Variants in AUTS2 observed in about 807,000 individuals in gnomAD.
The protein encoded by AUTS2 is autism susceptibility gene 2 protein.
AUTS2 carries 17 observed loss-of-function variants against 112.4 expected under a neutral mutation model. That is an observed-to-expected ratio of 0.15 (90% CI 0.10 to 0.23). AUTS2 has a LOEUF of 0.23. Among genes scored for constraint, AUTS2 ranks in the 10% least tolerant of loss-of-function variants. The pLI, the probability that AUTS2 is intolerant of heterozygous loss-of-function variation, is 1.00. For synonymous variants in AUTS2, 751 were observed against 702.7 expected (o/e 1.07, Z -1.09); for missense variants, 1,510 against 1,701.6 (o/e 0.89, Z 1.98).
At chr7:70,525,108 A>G (rs979100454) in intron 5 of AUTS2, among the ~76,000 whole-genome samples, 2 of 152,146 alleles carry the variant, frequency 1.3e-5, no homozygotes, top group Admixed American at 1.3e-4. Context: ...AATTCCTTCT[A>G]TAGCTTTCCT....
At chr7:70,512,804 T>G (rs910765227) in intron 5 of AUTS2, among the ~76,000 whole-genome samples, 22 of 151,910 alleles carry the variant, frequency 1.4e-4, no homozygotes, top group Admixed American at 9.8e-4. Context: ...TTTTTAACTT[T>G]TTCCTCTTGT....
chr7:70,658,552 T>TG (rs1340602454), intron 5 of AUTS2, among the ~76,000 whole-genome samples: 1 of 152,196 alleles, frequency 6.6e-6, no homozygotes, highest in East Asian at 1.9e-4. Flanking sequence ...CACAGGCTTC[T>TG]GGGGGGCTTC....
At chr7:70,398,274 T>C (rs1794173845) in intron 4 of AUTS2, among the ~76,000 whole-genome samples, 1 of 152,252 alleles carries the variant, frequency 6.6e-6, no homozygotes, top group African/African-American at 2.4e-5. Flanking sequence ...ATTGTAGGTT[T>C]ATATATTTCC....
chr7:69,879,407 C>T (rs1331110000), intron 1 of AUTS2, among the ~76,000 whole-genome samples: 1 of 151,858 alleles, frequency 6.6e-6, no homozygotes, highest in Non-Finnish European at 1.5e-5. Context: ...ACCTCAGCCT[C>T]CCAAAGTGGT....
At chr7:70,051,700 C>T (rs976908064) in intron 2 of AUTS2, among the ~76,000 whole-genome samples, 35 of 152,070 alleles carry the variant, frequency 2.3e-4, no homozygotes, top group African/African-American at 8.0e-4. Context: ...TCCTGGGCAA[C>T]AAGAACAAAA....
At chr7:70,321,677 G>A (rs1790260759) in intron 4 of AUTS2, among the ~76,000 whole-genome samples, 2 of 152,038 alleles carry the variant, frequency 1.3e-5, no homozygotes, top group South Asian at 4.2e-4. Flanking sequence ...TTATAGATGG[G>A]GGAAAAATGT....
chr7:69,860,075 TTC>T (rs1261570835), intron 1 of AUTS2, among the ~76,000 whole-genome samples: 1 of 152,130 alleles, frequency 6.6e-6, no homozygotes, highest in Non-Finnish European at 1.5e-5. Flanking sequence ...TTGTTTTATT[TTC>T]TGTCTCTGAT....
intron 2 of AUTS2, among the ~76,000 whole-genome samples, chr7:70,089,150 A>G (rs1457198045): frequency 6.6e-6 from 1 of 152,174 alleles, no homozygotes; most frequent in South Asian, 2.1e-4. Context: ...TCGATTGTCT[A>G]TTTATTTGTT....
intron 5 of AUTS2, among the ~76,000 whole-genome samples, chr7:70,544,212 G>A (rs1800675783): frequency 6.6e-6 from 1 of 152,180 alleles, no homozygotes; most frequent in Admixed American, 6.5e-5. Flanking sequence ...CTTTCTTCCG[G>A]GTGCCAGGAG....
At chr7:69,636,291 A>G (rs1794514668) in intron 1 of AUTS2, among the ~76,000 whole-genome samples, 1 of 151,554 alleles carries the variant, frequency 6.6e-6, no homozygotes, top group Non-Finnish European at 1.5e-5. Context: ...AGTGCAGTAG[A>G]GCAATCTCGG....
intron 2 of AUTS2, among the ~76,000 whole-genome samples, chr7:70,077,641 A>G (rs1803098156): frequency 6.6e-6 from 1 of 152,214 alleles, no homozygotes; most frequent in Non-Finnish European, 1.5e-5. Context: ...ACCAGAAATT[A>G]TACCTGGGGA....
chr7:69,770,224 G>A (rs1213106753), intron 1 of AUTS2, among the ~76,000 whole-genome samples: 1 of 152,198 alleles, frequency 6.6e-6, no homozygotes, highest in East Asian at 1.9e-4. Context: ...TTCATTTCAG[G>A]TGATTTTGTT....
intron 1 of AUTS2, among the ~76,000 whole-genome samples, chr7:69,722,938 G>A (rs973514905): frequency 6.6e-6 from 1 of 151,820 alleles, no homozygotes; most frequent in Non-Finnish European, 1.5e-5. Flanking sequence ...TCCAGGAGAT[G>A]GCCTGCAGTT....
At chr7:69,789,381 A>C (rs935163395) in intron 1 of AUTS2, among the ~76,000 whole-genome samples, 1 of 152,242 alleles carries the variant, frequency 6.6e-6, no homozygotes, top group Non-Finnish European at 1.5e-5. Context: ...AGTGTGAATC[A>C]GTGCGTTAGA....
At chr7:70,090,685 C>CTT (rs1279080115) in intron 2 of AUTS2, among the ~76,000 whole-genome samples, 8 of 129,042 alleles carry the variant, frequency 6.2e-5, no homozygotes, top group East Asian at 2.3e-4. Flanking sequence ...AGATTTCTGT[C>CTT]TTTTTTTTTT....
intron 1 of AUTS2, among the ~76,000 whole-genome samples, chr7:69,853,407 A>G (rs926314122): frequency 8.6e-5 from 13 of 151,970 alleles, no homozygotes; most frequent in African/African-American, 1.5e-4. Flanking sequence ...CTAATTTTCT[A>G]TGTTCTGAAG....
chr7:69,838,722 T>C (rs989392152), intron 1 of AUTS2, among the ~76,000 whole-genome samples: 2 of 152,136 alleles, frequency 1.3e-5, no homozygotes, highest in African/African-American at 4.8e-5. Flanking sequence ...CACAACCAAA[T>C]AAAAAAAGTG....
chr7:69,887,465 G>A (rs981587704), intron 1 of AUTS2, among the ~76,000 whole-genome samples: 3 of 151,152 alleles, frequency 2.0e-5, no homozygotes, highest in Admixed American at 1.3e-4. Flanking sequence ...GTTGCTGAAG[G>A]GAAGCTAGAA....
At chr7:70,693,538 G>A (rs1808868847) in intron 5 of AUTS2, among the ~76,000 whole-genome samples, 1 of 152,214 alleles carries the variant, frequency 6.6e-6, no homozygotes. Context: ...CTGTGGTGGG[G>A]AAGGAGGTTA....
Sources: gnomAD v4.1 joint callset for allele counts (sites outside exome capture counted in the v4.1 genomes callset) on GRCh38, gnomAD v4.1.1 for gene constraint, MANE v1.5 for transcripts, NCBI Gene and HGNC (gene_info 2026-07-23, HGNC 2026-07-21) for gene names.